The following SOAT1 variants were observed in gnomAD, a reference collection of about 807,000 sequenced individuals.
The protein encoded by SOAT1 is acyl-coenzyme A:cholesterol acyltransferase 1.
SOAT1 carries 55 observed loss-of-function variants against 69.5 expected under a neutral mutation model. The observed-to-expected ratio is 0.79, with a 90% CI of 0.64 to 0.99. The LOEUF (loss-of-function observed/expected upper bound fraction) is 0.99. SOAT1 is among the 50% of genes least tolerant of loss of function. SOAT1 has a pLI of 0.00. For synonymous variants in SOAT1, 231 were observed against 224.7 expected (o/e 1.03, Z -0.25); for missense variants, 580 against 669.3 (o/e 0.87, Z 1.47).
chr1:179,300,625 A>T (rs1353673024), intron 1 of SOAT1, among the ~76,000 whole-genome samples: 1 of 152,196 alleles, frequency 6.6e-6, no homozygotes, highest in Non-Finnish European at 1.5e-5. Flanking sequence ...ACTATATTTC[A>T]TCCTTTTATA....
intron 11 of SOAT1, among the ~76,000 whole-genome samples, chr1:179,347,010 T>G (rs1233479816): frequency 3.3e-5 from 5 of 152,108 alleles, no homozygotes; most frequent in Non-Finnish European, 7.4e-5. Flanking sequence ...GGGGGCCAGA[T>G]TTTTAAAGGA....
chr1:179,351,501 T>G, intron 15 of SOAT1, 39 bp downstream of exon 15: 1 of 1,600,680 alleles, frequency 6.2e-7, no homozygotes, highest in South Asian at 1.1e-5. Context: ...AAGAACCTGT[T>G]TATTCTCTGT....
intron 11 of SOAT1, among the ~76,000 whole-genome samples, chr1:179,345,912 T>C (rs1365742870): frequency 8.4e-6 from 1 of 118,696 alleles, no homozygotes; most frequent in Non-Finnish European, 2.0e-5. Context: ...CTTAAATATA[T>C]TTATTGCATT....
intron 12 of SOAT1, 57 bp from the exon 13 acceptor site, chr1:179,348,787 T>TA: frequency 1.0e-4 from 34 of 333,918 alleles, no homozygotes; most frequent in Admixed American, 8.3e-4. Flanking sequence ...TGTGTGTGTG[T>TA]GTGTGTGTGT....
chr1:179,296,543 T>C (rs1378967643), intron 1 of SOAT1, among the ~76,000 whole-genome samples: 1 of 152,246 alleles, frequency 6.6e-6, no homozygotes, highest in Non-Finnish European at 1.5e-5. Context: ...CATACAGATG[T>C]AAATGAGAAT....
Position 179,301,294 on chromosome 1 carries a change from T to G in SOAT1, c.-8-1383T>G, listed in dbSNP as rs77413263. The stretch of plus-strand genomic sequence containing the variant: ...TCTTGATATTGATCTTTGATCATGT[T>G]TTTTAGTGCTTAAAGTGTCTCACCA... On this transcript the variant is annotated intron_variant, in intron 1 of 15. Coordinates refer to ENST00000367619, the MANE Select transcript of SOAT1 (RefSeq NM_003101.6). Among the ~76,000 whole-genome samples the G allele has an allele frequency of 7.7e-3, 1,175 of 152,300 alleles. 10 individuals are homozygous for G. The highest frequency in any genetic ancestry group is 0.02 in the Middle Eastern group (6 of 294).
At position 179,317,299 on chromosome 1, in the gene SOAT1, C is replaced by T. The variant is rs534479167; in HGVS notation, c.119-6138C>T. Among the ~76,000 whole-genome samples the T allele has an allele frequency of 2.4e-4, 37 of 152,198 alleles. 1 individual carries two copies. In the South Asian group the frequency reaches 7.1e-3, roughly 29 times the overall value. ...CTATAATCCTAGCACTTTGGAAGGC[C>T]GAGGCGGGCGGATCACGAGGTCAGG... On this transcript the variant is annotated intron_variant, in intron 2 of 15. Coordinates refer to ENST00000367619, the MANE Select transcript of SOAT1 (RefSeq NM_003101.6).
At chr1:179,347,834 C>G in intron 12 of SOAT1, 137 bp downstream of exon 12, 1 of 578,400 alleles carries the variant, frequency 1.7e-6, no homozygotes, top group East Asian at 3.0e-5. Context: ...CAAGTTTTGC[C>G]AGTATTTTCT....
intron 13 of SOAT1, among the ~76,000 whole-genome samples, chr1:179,349,641 T>G (rs1666656468): frequency 6.6e-6 from 1 of 152,176 alleles, no homozygotes; most frequent in Admixed American, 6.5e-5. Flanking sequence ...AACACTTTTC[T>G]GTGAGAAACA....
chr1:179,310,876 G>GCA (rs1199626671), intron 2 of SOAT1, among the ~76,000 whole-genome samples: 2 of 152,162 alleles, frequency 1.3e-5, no homozygotes, highest in African/African-American at 2.4e-5. Flanking sequence ...CTTGAAAATT[G>GCA]GTTATTAGTC....
At position 179,339,501 on chromosome 1, in the gene SOAT1, CTT is replaced by C; in HGVS notation, c.455_456del (p.Phe152TyrfsTer11). On this transcript the variant is annotated frameshift_variant, in exon 6 of 16. Transcript: ENST00000367619. LOFTEE classifies it high-confidence loss of function. ...ACATGTTTATTGCCCTCCTCATTCT[CTT>C]TATCCTCAGCACACTTGTAGTAGAT... ...YHMFIALLILFILSTLVVDYI... is the reference protein window; with the variant it reads ...YHMFIALLILXILSTLVVDYI... The C allele has an allele frequency of 6.2e-7, 1 of 1,613,052 alleles. No homozygotes were observed. Among genetic ancestry groups the C allele is most frequent in the Non-Finnish European group, 8.5e-7 (1 of 1,179,530 alleles).
chr1:179,312,648 C>T (rs973348156), intron 2 of SOAT1, among the ~76,000 whole-genome samples: 7 of 152,038 alleles, frequency 4.6e-5, no homozygotes, highest in Non-Finnish European at 1.0e-4. Context: ...TAGGCTTGGC[C>T]AGTGGGAGAA....
intron 1 of SOAT1, among the ~76,000 whole-genome samples, chr1:179,296,714 G>A (rs1571396318): frequency 6.6e-6 from 1 of 152,250 alleles, no homozygotes; most frequent in East Asian, 1.9e-4. Flanking sequence ...TTCCACCACT[G>A]AATCTAAGGG....
rs77867192 is a variant in SOAT1, at chr1:179,328,516, C to T, written c.177+5021C>T. On this transcript the variant is annotated intron_variant, in intron 3 of 15. Coordinates refer to ENST00000367619, the MANE Select transcript of SOAT1 (RefSeq NM_003101.6). ...ATAAGACAGAGAATTGAATTTTGGC[C>T]GGAAGGACAAGGTCATATAGTACAG... Among the ~76,000 whole-genome samples, 1,334 of 152,164 alleles carry T rather than the reference C, an allele frequency of 8.8e-3. 44 individuals are homozygous for T. The highest frequency in any genetic ancestry group is 0.058 in the Admixed American group (888 of 15,286).
intron 2 of SOAT1, among the ~76,000 whole-genome samples, chr1:179,320,333 A>C (rs1264306500): frequency 1.3e-5 from 2 of 152,116 alleles, no homozygotes; most frequent in African/African-American, 4.8e-5. Context: ...AAAATCAATT[A>C]TTAATAATCA....
intron 1 of SOAT1, among the ~76,000 whole-genome samples, chr1:179,295,026 G>T (rs1664585288): frequency 6.6e-6 from 1 of 152,014 alleles, no homozygotes; most frequent in African/African-American, 2.4e-5. Context: ...GTGAGAATGG[G>T]TTTTGGAAGG....
At chr1:179,311,693 A>G (rs945239428) in intron 2 of SOAT1, among the ~76,000 whole-genome samples, 1 of 152,208 alleles carries the variant, frequency 6.6e-6, no homozygotes, top group Non-Finnish European at 1.5e-5. Context: ...AAATTGTTAA[A>G]TCATAGGTTT....
At chr1:179,316,934 G>T (rs780002447) in intron 2 of SOAT1, among the ~76,000 whole-genome samples, 5 of 151,994 alleles carry the variant, frequency 3.3e-5, no homozygotes. Flanking sequence ...AGAGTAATAG[G>T]GCAGTGAAAA....
intron 3 of SOAT1, among the ~76,000 whole-genome samples, chr1:179,334,593 A>G (rs529622459): frequency 1.3e-5 from 2 of 152,322 alleles, no homozygotes; most frequent in East Asian, 3.9e-4. Flanking sequence ...CTACTCACAT[A>G]TGAATGTTAC....
Sources: allele counts gnomAD v4.1 joint callset (sites outside exome capture counted in the v4.1 genomes callset), GRCh38; gene constraint gnomAD v4.1.1; transcripts MANE v1.5; gene names NCBI Gene and HGNC (gene_info 2026-07-23, HGNC 2026-07-21).